Variants in PPP2R3C observed in about 807,000 individuals in gnomAD.
PPP2R3C encodes the protein protein phosphatase 2 regulatory subunit B''gamma.
In PPP2R3C, 47 loss-of-function variants were observed where a neutral mutation model predicts 63.7. That is an observed-to-expected ratio of 0.74 (90% CI 0.58 to 0.94). The LOEUF is 0.94. PPP2R3C is among the 40% of genes least tolerant of loss of function. The pLI is 0.00. For missense variants in PPP2R3C, 421 were observed against 518.4 expected (o/e 0.81, Z 1.82); for synonymous variants, 180 against 177.4 (o/e 1.01, Z -0.12).
intron 9 of PPP2R3C, 103 bp downstream of exon 9, chr14:35,096,455 T>C: frequency 9.8e-7 from 1 of 1,022,016 alleles, no homozygotes; most frequent in East Asian, 2.4e-5. Context: ...TAATTAAATA[T>C]TTTGATCTTA....
intron 2 of PPP2R3C, 135 bp from the exon 3 acceptor site, chr14:35,110,764 T>G: frequency 1.7e-6 from 1 of 603,032 alleles, no homozygotes; most frequent in East Asian, 2.9e-5. Context: ...GTGCTTAACA[T>G]TTGTTTAACA....
chr14:35,094,005 T>C (rs8006884), intron 10 of PPP2R3C, among the ~76,000 whole-genome samples: 54,581 of 152,028 alleles, frequency 0.36, 9,906 homozygotes, highest in South Asian at 0.46. Context: ...TTTGCATTGT[T>C]ATAATAAAAA....
At chr14:35,098,998 T>A (rs961621521) in intron 7 of PPP2R3C, 4 of 321,230 alleles carry the variant, frequency 1.2e-5, no homozygotes, top group Non-Finnish European at 2.2e-5. Context: ...ACTTCTTCAC[T>A]GTTAGGTGAT....
In PPP2R3C at chr14:35,117,487, T is replaced by G. The variant is rs577249806; in HGVS notation, c.59-750A>C. ...TTTTACTTGATCCCTTTCTGAAATCTTAAGCTCAAATATACTCTCAGATCA... is the reference window on the plus strand; with the variant it reads ...TTTTACTTGATCCCTTTCTGAAATCGTAAGCTCAAATATACTCTCAGATCA... On this transcript the variant is annotated intron_variant, in intron 1 of 12. Coordinates refer to ENST00000261475, the MANE Select transcript of PPP2R3C (RefSeq NM_017917.4). Among the ~76,000 whole-genome samples the G allele has an allele frequency of 3.3e-5, 5 of 152,338 alleles. No homozygotes were observed. The South Asian group carries it at 1.0e-3, about 32-fold the overall frequency.
In PPP2R3C at chr14:35,085,669, T is replaced by C. The variant is rs763306040; in HGVS notation, c.1283A>G (p.Asn428Ser). 3 of 1,613,640 alleles carry C rather than the reference T, an allele frequency of 1.9e-6. No individual in the cohort carries two copies. The highest frequency in any genetic ancestry group is 2.2e-5 in the South Asian group (2 of 91,068). Residue 428 changes from asparagine to serine, a missense_variant, in exon 13 of 13, where the codon AAT becomes AGT. Coordinates refer to ENST00000261475, the MANE Select transcript of PPP2R3C (RefSeq NM_017917.4). ...TCTGTTCTCGTAAGTCCAGAAGCCA[T>C]TCAAATCGATTAGAATGGTGGTTAC... Reference protein sequence around the residue: ...DTVTTILIDLNGFWTYENREA... With the variant: ...DTVTTILIDLSGFWTYENREA...
intron 10 of PPP2R3C, among the ~76,000 whole-genome samples, chr14:35,091,801 A>T (rs1412112792): frequency 1.3e-5 from 2 of 151,612 alleles, no homozygotes; most frequent in East Asian, 3.9e-4. Context: ...GCTCACTGAA[A>T]CCTCTGCCTC....
chr14:35,115,220 T>G (rs1469145042), intron 2 of PPP2R3C, among the ~76,000 whole-genome samples: 1 of 150,430 alleles, frequency 6.6e-6, no homozygotes, highest in Non-Finnish European at 1.5e-5. Context: ...TGGAATGCAG[T>G]GGCATGATCA....
chr14:35,119,496 C>T (rs1441531534), intron 1 of PPP2R3C, among the ~76,000 whole-genome samples: 4 of 151,902 alleles, frequency 2.6e-5, no homozygotes, highest in African/African-American at 7.3e-5. Context: ...CACAACCACC[C>T]GGGCTAATTT....
Position 35,085,637 on chromosome 14 carries a change from G to C in PPP2R3C, c.1315C>G (p.Leu439Val), listed in dbSNP as rs140711923. ...GAGTTTTCACTGTCATTTGCAACAA[G>C]AGCCTCTCTGTTCTCGTAAGTCCAG... is the stretch of plus-strand genomic sequence containing the variant. Reference protein sequence around the residue: ...GFWTYENREALVANDSENSAD... With the variant: ...GFWTYENREAVVANDSENSAD... Residue 439 changes from leucine to valine, a missense_variant, in exon 13 of 13, where the codon CTT becomes GTT. Transcript: ENST00000261475. 3 of 1,613,110 alleles carry C rather than the reference G, an allele frequency of 1.9e-6. No homozygotes were observed. Among genetic ancestry groups the C allele is most frequent in the Non-Finnish European group, 2.5e-6 (3 of 1,179,778 alleles).
chr14:35,118,434 A>G (rs1231821385), intron 1 of PPP2R3C, among the ~76,000 whole-genome samples: 5 of 152,206 alleles, frequency 3.3e-5, no homozygotes, highest in Non-Finnish European at 7.3e-5. Flanking sequence ...AGACTTACGC[A>G]GGTGCTGTAC....
intron 10 of PPP2R3C, among the ~76,000 whole-genome samples, chr14:35,093,302 C>T (rs1006307677): frequency 6.6e-6 from 1 of 151,920 alleles, no homozygotes; most frequent in Non-Finnish European, 1.5e-5. Flanking sequence ...GGGAGGTTCT[C>T]ACTTAGATAA....
intron 4 of PPP2R3C, 98 bp downstream of exon 4, chr14:35,109,713 CCAAAACTG>C: frequency 1.1e-6 from 1 of 917,520 alleles, no homozygotes; most frequent in Non-Finnish European, 1.6e-6. Context: ...ACCTCAGCCT[CCAAAACTG>C]CTGGGATTAC....
Position 35,091,120 on chromosome 14 carries a change from TA to T in PPP2R3C, c.1062del (p.Asp354GlufsTer8). ...ACATTCAGGTATCCTTTGTTCTCAA[TA>T]TCAAGCAGTTTGAAAATATATTGTA... The part of the protein sequence containing the change: ...AALQYIFKLL[D>X]IENKGYLNVF... On this transcript the variant is annotated frameshift_variant, in exon 11 of 13. Transcript: ENST00000261475. LOFTEE classifies it high-confidence loss of function. The T allele has an allele frequency of 6.2e-7, 1 of 1,608,292 alleles. No individual in the cohort carries two copies. Among genetic ancestry groups the T allele is most frequent in the African/African-American group, 1.3e-5 (1 of 74,902 alleles).
rs2046251748 is a variant in PPP2R3C at position 35,103,169 on chromosome 14, C to T, written c.574-3785G>A. On this transcript the variant is annotated intron_variant, in intron 6 of 12. Coordinates refer to ENST00000261475, the MANE Select transcript of PPP2R3C (RefSeq NM_017917.4). ...AAACTTCCGATGGTTTCCCGTTAGC[C>T]TCAAAATAAATCCAAAGTCCTTACT... Among the ~76,000 whole-genome samples, 3 of 152,158 alleles carry T rather than the reference C, an allele frequency of 2.0e-5. No individual in the cohort carries two copies. The South Asian group carries it at 6.2e-4, about 31-fold the overall frequency.
intron 1 of PPP2R3C, among the ~76,000 whole-genome samples, chr14:35,119,288 T>G (rs2046793745): frequency 6.6e-6 from 1 of 152,090 alleles, no homozygotes; most frequent in Non-Finnish European, 1.5e-5. Context: ...TCTGCCTACC[T>G]CGGCCTCCCG....
At chr14:35,118,510 CAG>C (rs1165420137) in intron 1 of PPP2R3C, among the ~76,000 whole-genome samples, 8 of 152,208 alleles carry the variant, frequency 5.3e-5, no homozygotes, top group African/African-American at 1.4e-4. Context: ...TCTACAAAGA[CAG>C]AGATTTTTTT....
intron 2 of PPP2R3C, among the ~76,000 whole-genome samples, chr14:35,112,022 A>G (rs1445947642): frequency 2.0e-5 from 3 of 152,214 alleles, no homozygotes; most frequent in Non-Finnish European, 4.4e-5. Context: ...GCAGGCAAGA[A>G]GAACCTGTTG....
At chr14:35,103,816 T>A (rs931574344) in intron 6 of PPP2R3C, among the ~76,000 whole-genome samples, 1 of 152,232 alleles carries the variant, frequency 6.6e-6, no homozygotes, top group Admixed American at 6.5e-5. Context: ...AATAAAACTT[T>A]GTATACTCTA....
At chr14:35,086,019 T>G (rs1446704003) in intron 12 of PPP2R3C, 1 of 420,226 alleles carries the variant, frequency 2.4e-6, no homozygotes, top group Admixed American at 4.1e-5. Context: ...ATGTGATAGC[T>G]ATCCTTCGTT....
Sources: gnomAD v4.1 joint callset for allele counts (sites outside exome capture counted in the v4.1 genomes callset) on GRCh38, gnomAD v4.1.1 for gene constraint, MANE v1.5 for transcripts, NCBI Gene and HGNC (gene_info 2026-07-23, HGNC 2026-07-21) for gene names.